SAXO4: variants seen among roughly 807,000 people sequenced by gnomAD.
SAXO4 encodes the protein stabilizer of axonemal microtubules 4.
the SAXO4 span, chr11:61,489,947 G>C: frequency 6.2e-7 from 1 of 1,608,622 alleles, no homozygotes; most frequent in African/African-American, 1.3e-5. Flanking sequence ...ACGTGGGAAG[G>C]TGGCACCACC....
chr11:61,487,216 G>A, the SAXO4 span: 78 of 1,614,008 alleles, frequency 4.8e-5, no homozygotes, highest in African/African-American at 4.4e-4. Context: ...AGGGATCAGC[G>A]ATACCTGACC....
the SAXO4 span, chr11:61,490,072 G>C: frequency 1.0e-5 from 10 of 970,326 alleles, no homozygotes; most frequent in Non-Finnish European, 1.5e-5. Context: ...ATCTCCTCTG[G>C]CTGGCTCTGG....
the SAXO4 span, chr11:61,486,278 G>T: frequency 6.4e-7 from 1 of 1,558,100 alleles, no homozygotes; most frequent in Non-Finnish European, 8.8e-7. Context: ...AGGCAGAGTG[G>T]GTGGGAGCCA....
chr11:61,484,652 GC>G, the SAXO4 span: 1 of 1,609,580 alleles, frequency 6.2e-7, no homozygotes, highest in African/African-American at 1.3e-5. Flanking sequence ...AGTGACTGCC[GC>G]CCCCTCACTT....
the SAXO4 span, chr11:61,485,967 A>G: frequency 1.6e-6 from 2 of 1,227,632 alleles, no homozygotes; most frequent in Non-Finnish European, 2.4e-6. Context: ...CTCCAGTCTC[A>G]GGGTTTCTAG....
At chr11:61,490,890 C>T in the SAXO4 span, 2 of 421,514 alleles carry the variant, frequency 4.7e-6, no homozygotes, top group South Asian at 6.4e-5. Flanking sequence ...CACCCCTGCC[C>T]AGCTACTTTC....
chr11:61,481,874 C>G, the SAXO4 span: 1 of 1,572,104 alleles, frequency 6.4e-7, no homozygotes, highest in Non-Finnish European at 8.6e-7. Flanking sequence ...GGGGGCTACA[C>G]GGACCCCCTG....
the SAXO4 span, among the ~76,000 whole-genome samples, chr11:61,484,380 G>C: frequency 2.1e-4 from 32 of 152,206 alleles, no homozygotes; most frequent in Non-Finnish European, 3.5e-4. Flanking sequence ...CTGTCTGAGG[G>C]AGGAGTGGTC....
the SAXO4 span, chr11:61,490,590 G>C: frequency 6.2e-7 from 1 of 1,610,810 alleles, no homozygotes; most frequent in Non-Finnish European, 8.5e-7. Flanking sequence ...CCTTGGTAAG[G>C]GGCTGGGGAT....
the SAXO4 span, chr11:61,482,745 C>T: frequency 1.2e-6 from 2 of 1,613,928 alleles, no homozygotes; most frequent in South Asian, 2.2e-5. Context: ...TGCCCTGGAG[C>T]ATGCGCCAGA....
chr11:61,486,192 C>T, the SAXO4 span: 1 of 803,076 alleles, frequency 1.2e-6, no homozygotes, highest in Middle Eastern at 3.8e-4. Context: ...CTGTCTTCTC[C>T]CCAAACACTT....
the SAXO4 span, among the ~76,000 whole-genome samples, chr11:61,488,196 C>T: frequency 4.0e-5 from 6 of 151,190 alleles, no homozygotes; most frequent in Non-Finnish European, 5.9e-5. Flanking sequence ...CATGTTGGCC[C>T]GGCTGGTCTT....
At chr11:61,486,207 T>C in the SAXO4 span, 1 of 880,386 alleles carries the variant, frequency 1.1e-6, no homozygotes, top group Non-Finnish European at 1.8e-6. Flanking sequence ...ACACTTCCCT[T>C]TTCTCAGTGA....
At chr11:61,486,049 TGCTTTG>T in the SAXO4 span, 15 of 679,284 alleles carry the variant, frequency 2.2e-5, 1 homozygote, top group South Asian at 3.0e-4. Flanking sequence ...TGAAAACCAC[TGCTTTG>T]GTCCAAGTCC....
At chr11:61,485,946 G>T in the SAXO4 span, 2 of 1,425,794 alleles carry the variant, frequency 1.4e-6, no homozygotes, top group Non-Finnish European at 2.0e-6. Flanking sequence ...AACTTTAGGG[G>T]GCTTGAAGCC....
chr11:61,490,609 T>A, the SAXO4 span: 1 of 1,580,992 alleles, frequency 6.3e-7, no homozygotes, highest in South Asian at 1.1e-5. Context: ...ATCCCCACAC[T>A]CAGCTGCTCT....
At chr11:61,481,839 C>T in the SAXO4 span, 1 of 1,530,144 alleles carries the variant, frequency 6.5e-7, no homozygotes. Flanking sequence ...TGGGGGTCGT[C>T]TCCCCTTATG....
the SAXO4 span, chr11:61,482,235 G>C: frequency 7.4e-7 from 1 of 1,353,334 alleles, no homozygotes; most frequent in Non-Finnish European, 1.1e-6. Context: ...GTGCCCCTCG[G>C]AGGACGCTGG....
the SAXO4 span, chr11:61,485,886 C>T: frequency 6.2e-7 from 1 of 1,613,894 alleles, no homozygotes; most frequent in Non-Finnish European, 8.5e-7. Context: ...TTCCAACCGC[C>T]CTCACAGGCC....
Sources: gnomAD v4.1 joint callset for allele counts (sites outside exome capture counted in the v4.1 genomes callset) on GRCh38, gnomAD v4.1.1 for gene constraint, MANE v1.5 for transcripts, NCBI Gene and HGNC (gene_info 2026-07-23, HGNC 2026-07-21) for gene names.